The following PSD3 variants were observed in gnomAD, a reference collection of about 807,000 sequenced individuals.
The protein encoded by PSD3 is pleckstrin and Sec7 domain containing 3, also known as PH and SEC7 domain-containing protein 3.
PSD3 carries 49 observed loss-of-function variants against 105.5 expected under a neutral mutation model. The ratio of observed to expected loss-of-function variants is 0.46; its 90% CI spans 0.37 to 0.59. The LOEUF (loss-of-function observed/expected upper bound fraction) is 0.59. PSD3 is among the 20% of genes least tolerant of loss of function. The probability of loss-of-function intolerance (pLI) is 0.00; values close to 1 mark genes in which losing one functional copy is unlikely to be tolerated. For synonymous variants in PSD3, 557 were observed against 457.8 expected, an observed-to-expected ratio of 1.22 and a Z score of -2.77; for missense variants, 1,561 against 1,263.8, an observed-to-expected ratio of 1.24 and a Z score of -3.57.
At chr8:18,547,655 G>C (rs566051788) in intron 15 of PSD3, among the ~76,000 whole-genome samples, 44 of 152,328 alleles carry the variant, frequency 2.9e-4, no homozygotes, top group African/African-American at 1.1e-3. Flanking sequence ...AGGGGCATAA[G>C]TGGCAGGTAT....
chr8:18,541,420 A>G lies in PSD3; in HGVS notation c.2929-5462T>C, dbSNP rs80315079. On this transcript the variant is annotated intron_variant, in intron 15 of 15. Coordinates refer to ENST00000327040, the MANE Select transcript of PSD3 (RefSeq NM_015310.4). ...ACACGGATACCCACGTTGATGGCAG[A>G]TGCCTGATGTGTTCCTAATTCAGGA... is the stretch of plus-strand genomic sequence containing the variant. Among the ~76,000 whole-genome samples the G allele has an allele frequency of 3.2e-3, 481 of 152,312 alleles. 3 individuals are homozygous for G. The highest frequency in any genetic ancestry group is 0.011 in the African/African-American group (471 of 41,556).
chr8:18,869,945 C>T (rs1817215982), intron 3 of PSD3, among the ~76,000 whole-genome samples: 2 of 152,064 alleles, frequency 1.3e-5, no homozygotes, highest in South Asian at 4.1e-4. Context: ...ACATAGGAGA[C>T]AATTGAAAAT....
rs28410082 is a variant in PSD3, at chr8:18,637,215, G to C, written c.2217-4409C>G. Among the ~76,000 whole-genome samples the C allele has an allele frequency of 7.6e-3, 1,158 of 152,302 alleles. 16 individuals are homozygous for C. The highest frequency in any genetic ancestry group is 0.027 in the African/African-American group (1,108 of 41,556). Reference sequence around the variant, plus strand: ...CTTTTGTCTTACACTGTTTTCCAAAGTTATGGGTGAGCTCTTTTTTTCTCA... The same window carrying C: ...CTTTTGTCTTACACTGTTTTCCAAACTTATGGGTGAGCTCTTTTTTTCTCA... On this transcript the variant is annotated intron_variant, in intron 10 of 15. Coordinates refer to ENST00000327040, the MANE Select transcript of PSD3 (RefSeq NM_015310.4).
intron 9 of PSD3, among the ~76,000 whole-genome samples, chr8:18,744,093 T>G (rs573325563): frequency 6.6e-6 from 1 of 152,208 alleles, no homozygotes; most frequent in African/African-American, 2.4e-5. Flanking sequence ...ATAAATGGTA[T>G]CATTCCATAC....
intron 4 of PSD3, among the ~76,000 whole-genome samples, chr8:18,811,968 C>T (rs1009390179): frequency 2.0e-5 from 3 of 152,124 alleles, no homozygotes; most frequent in African/African-American, 7.2e-5. Flanking sequence ...AAAAACAATA[C>T]ATACAAATTG....
At chr8:18,582,850 G>T in intron 12 of PSD3, among the ~76,000 whole-genome samples, 1 of 124,164 alleles carries the variant, frequency 8.1e-6, no homozygotes, top group South Asian at 2.4e-4. Flanking sequence ...TTTTGAGACA[G>T]AGTCTCGCTC....
chr8:18,579,541 C>G (rs1016472815), intron 12 of PSD3, among the ~76,000 whole-genome samples: 2 of 152,122 alleles, frequency 1.3e-5, no homozygotes, highest in African/African-American at 4.8e-5. Flanking sequence ...CTCCACCATC[C>G]CAATAAACAC....
At chr8:18,848,231 TCAGA>T (rs1235364105) in intron 4 of PSD3, among the ~76,000 whole-genome samples, 2 of 152,192 alleles carry the variant, frequency 1.3e-5, no homozygotes, top group African/African-American at 4.8e-5. Flanking sequence ...TACAGTTACA[TCAGA>T]CAGTCTTCAG....
At chr8:19,070,096 T>C (rs992498038) in intron 1 of PSD3, among the ~76,000 whole-genome samples, 2 of 151,934 alleles carry the variant, frequency 1.3e-5, no homozygotes, top group African/African-American at 4.8e-5. Context: ...AGAGGTTTCT[T>C]CTGGTTAGCA....
intron 9 of PSD3, among the ~76,000 whole-genome samples, chr8:18,737,302 G>C (rs1804223781): frequency 1.3e-5 from 2 of 152,086 alleles, no homozygotes; most frequent in Admixed American, 1.3e-4. Context: ...TTGAACCCAG[G>C]TACTATGCTG....
chr8:18,547,593 A>G (rs938006628), intron 15 of PSD3, among the ~76,000 whole-genome samples: 1 of 152,144 alleles, frequency 6.6e-6, no homozygotes, highest in Non-Finnish European at 1.5e-5. Flanking sequence ...CTCTTGCTAC[A>G]CTTTAATGCT....
At chr8:18,612,723 G>T (rs1223486587) in intron 11 of PSD3, among the ~76,000 whole-genome samples, 1 of 152,214 alleles carries the variant, frequency 6.6e-6, no homozygotes, top group Non-Finnish European at 1.5e-5. Flanking sequence ...TAACTGGGAA[G>T]AGAGCTAAGT....
At chr8:18,738,261 A>G (rs1215825311) in intron 9 of PSD3, among the ~76,000 whole-genome samples, 1 of 152,142 alleles carries the variant, frequency 6.6e-6, no homozygotes, top group Non-Finnish European at 1.5e-5. Flanking sequence ...TGAGAAGGAC[A>G]AGTAGCTGTC....
intron 9 of PSD3, among the ~76,000 whole-genome samples, chr8:18,694,601 C>A (rs1173715170): frequency 8.7e-6 from 1 of 115,576 alleles, no homozygotes; most frequent in Admixed American, 9.1e-5. Context: ...CAGAGTGAGA[C>A]TGCATCTCCG....
At chr8:18,711,213 T>C (rs571768192) in intron 9 of PSD3, among the ~76,000 whole-genome samples, 5 of 152,244 alleles carry the variant, frequency 3.3e-5, no homozygotes, top group Admixed American at 3.3e-4. Flanking sequence ...AATAACACTA[T>C]GAAGCAACTA....
intron 11 of PSD3, among the ~76,000 whole-genome samples, chr8:18,619,773 C>G (rs1328038726): frequency 6.6e-6 from 1 of 152,182 alleles, no homozygotes; most frequent in Admixed American, 6.5e-5. Flanking sequence ...CAACCTGACT[C>G]TGGTATAGCA....
intron 1 of PSD3, among the ~76,000 whole-genome samples, chr8:19,075,093 A>G (rs13255234): frequency 0.96 from 145,055 of 151,588 alleles, 69,764 homozygotes; most frequent in East Asian, 1. Context: ...TTACAGGCAC[A>G]GTACACCATG....
intron 12 of PSD3, among the ~76,000 whole-genome samples, chr8:18,588,820 A>G (rs1434901532): frequency 6.6e-6 from 1 of 152,180 alleles, no homozygotes; most frequent in African/African-American, 2.4e-5. Flanking sequence ...GAGGACAGTG[A>G]TGTAGGAAAA....
chr8:18,590,591 G>A (rs1310078216), intron 12 of PSD3, among the ~76,000 whole-genome samples: 1 of 152,082 alleles, frequency 6.6e-6, no homozygotes, highest in Admixed American at 6.6e-5. Flanking sequence ...ACTGTAAACA[G>A]TTCCTACCAT....
Sources: gnomAD v4.1 joint callset for allele counts (sites outside exome capture counted in the v4.1 genomes callset) on GRCh38, gnomAD v4.1.1 for gene constraint, MANE v1.5 for transcripts, NCBI Gene and HGNC (gene_info 2026-07-23, HGNC 2026-07-21) for gene names.